POU2F1: variants seen among roughly 807,000 people sequenced by gnomAD.
POU2F1 encodes the protein POU class 2 homeobox 1, also known as POU domain, class 2, transcription factor 1.
Under a neutral mutation model 84.9 loss-of-function variants are expected in POU2F1, and 16 were observed. That is an observed-to-expected ratio of 0.19 (90% CI 0.13 to 0.29). The LOEUF (loss-of-function observed/expected upper bound fraction) is 0.29. POU2F1 is among the 10% of genes least tolerant of loss of function. POU2F1 has a pLI of 1.00. For missense variants in POU2F1, 738 were observed against 942.6 expected (o/e 0.78, Z 2.84); for synonymous variants, 368 against 368.3 (o/e 1.00, Z 0.01).
At chr1:167,411,293 C>A (rs1649949561) in intron 13 of POU2F1, among the ~76,000 whole-genome samples, 1 of 152,182 alleles carries the variant, frequency 6.6e-6, no homozygotes, top group Non-Finnish European at 1.5e-5. Context: ...CCACCTCAGC[C>A]TCCCAAAGTG....
chr1:167,323,447 A>T (rs145908766), intron 1 of POU2F1, among the ~76,000 whole-genome samples: 1 of 152,344 alleles, frequency 6.6e-6, no homozygotes, highest in East Asian at 1.9e-4. Flanking sequence ...AAAAGAGACC[A>T]GAAACATGTC....
chr1:167,297,969 A>G (rs1654404184), intron 1 of POU2F1, among the ~76,000 whole-genome samples: 1 of 151,980 alleles, frequency 6.6e-6, no homozygotes, highest in Non-Finnish European at 1.5e-5. Context: ...AAAAAAAAAA[A>G]TACAAAATTA....
intron 1 of POU2F1, 40 bp downstream of exon 1, chr1:167,220,998 A>T: frequency 6.7e-7 from 1 of 1,497,328 alleles, no homozygotes; most frequent in South Asian, 1.2e-5. Context: ...ATTCATACTC[A>T]ACCCCGGCTC....
chr1:167,316,774 A>G (rs1655931982), intron 1 of POU2F1, among the ~76,000 whole-genome samples: 2 of 152,226 alleles, frequency 1.3e-5, no homozygotes, highest in South Asian at 4.1e-4. Context: ...CAAAAAATGG[A>G]TGGGAATAAT....
chr1:167,375,089 C>G (rs1166875417), intron 6 of POU2F1, among the ~76,000 whole-genome samples: 1 of 151,364 alleles, frequency 6.6e-6, no homozygotes, highest in Non-Finnish European at 1.5e-5. Context: ...TAAATAAAAT[C>G]TTTAATCTCA....
At position 167,417,542 on chromosome 1, in the gene POU2F1, A is replaced by G. The variant is rs916313560; in HGVS notation, c.*1732A>G. 2 of 152,080 alleles carry G rather than the reference A, an allele frequency of 1.3e-5. No homozygotes were observed. Among genetic ancestry groups the G allele is most frequent in the African/African-American group, 4.8e-5 (2 of 41,408 alleles). The allele number at this position is 152,080 out of a possible 1,614,324, so 9.4% of individuals were successfully genotyped here. A position where few individuals can be genotyped will look rare whatever the true frequency, so the allele number is the denominator to read the frequency against. Reference sequence around the variant, plus strand: ...GTTGTTATGCCATCTGTACCAAAAAATTTTCCAAAAGACTGGATCACTGCA... The same window carrying G: ...GTTGTTATGCCATCTGTACCAAAAAGTTTTCCAAAAGACTGGATCACTGCA... On this transcript the variant is annotated 3_prime_UTR_variant, in exon 16 of 16. Coordinates refer to ENST00000367866, the MANE Select transcript of POU2F1 (RefSeq NM_002697.4).
chr1:167,294,805 C>T (rs949850985), intron 1 of POU2F1, among the ~76,000 whole-genome samples: 3 of 152,058 alleles, frequency 2.0e-5, no homozygotes, highest in Non-Finnish European at 4.4e-5. Context: ...TTAGTACAAG[C>T]TCTATGAAAA....
intron 1 of POU2F1, among the ~76,000 whole-genome samples, chr1:167,301,469 T>G (rs1211685164): frequency 6.6e-6 from 1 of 152,252 alleles, no homozygotes; most frequent in Non-Finnish European, 1.5e-5. Context: ...ATATTGAAAC[T>G]TTTAAAACCA....
At chr1:167,334,194 CTT>C (rs1657274308) in intron 2 of POU2F1, among the ~76,000 whole-genome samples, 1 of 58,908 alleles carries the variant, frequency 1.7e-5, no homozygotes, top group East Asian at 5.7e-4. Context: ...GAATTTTGCT[CTT>C]GTTTCCCAGG....
intron 1 of POU2F1, among the ~76,000 whole-genome samples, chr1:167,257,514 C>T (rs1651232610): frequency 6.6e-6 from 1 of 152,134 alleles, no homozygotes; most frequent in Non-Finnish European, 1.5e-5. Context: ...GCTGAACATA[C>T]ATAGTAGCTT....
chr1:167,273,860 A>G (rs1275630491), intron 1 of POU2F1, among the ~76,000 whole-genome samples: 1 of 152,260 alleles, frequency 6.6e-6, no homozygotes, highest in African/African-American at 2.4e-5. Context: ...TCAAAATGTA[A>G]GAGTGAAAGA....
intron 1 of POU2F1, among the ~76,000 whole-genome samples, chr1:167,247,439 T>C (rs769130009): frequency 3.9e-5 from 6 of 152,204 alleles, no homozygotes; most frequent in Non-Finnish European, 8.8e-5. Flanking sequence ...AAATGGCATA[T>C]ATTCTAATCT....
intron 1 of POU2F1, among the ~76,000 whole-genome samples, chr1:167,262,661 C>T (rs1651660016): frequency 6.6e-6 from 1 of 152,030 alleles, no homozygotes; most frequent in African/African-American, 2.4e-5. Flanking sequence ...TGTGGTGAGT[C>T]ACAAAGCCCC....
chr1:167,321,703 C>T (rs1278410338), intron 1 of POU2F1, among the ~76,000 whole-genome samples: 1 of 152,186 alleles, frequency 6.6e-6, no homozygotes, highest in Non-Finnish European at 1.5e-5. Context: ...GGAAGCTTAA[C>T]AATGGCCACC....
Position 167,423,041 on chromosome 1 carries a change from T to G in POU2F1, c.*7231T>G, listed in dbSNP as rs529020924. On this transcript the variant is annotated 3_prime_UTR_variant, in exon 16 of 16. Coordinates refer to ENST00000367866, the MANE Select transcript of POU2F1 (RefSeq NM_002697.4). ...GGAGGGCAAAAGATAGGGGTAGAAT[T>G]TTTTCATTATTTCCCTTTATCTAAT... is the stretch of plus-strand genomic sequence containing the variant. 1.5e-4 allele frequency: 23 copies of G among 152,244 alleles called. No homozygotes were observed. The highest frequency in any genetic ancestry group is 5.1e-4 in the African/African-American group (21 of 41,556). 9.4% of individuals were successfully genotyped at this position (152,244 alleles called of 1,614,324 possible).
Position 167,396,437 on chromosome 1 carries a change from T to TGA in POU2F1, c.1129+11_1129+12insAG. The TGA allele has an allele frequency of 6.2e-7, 1 of 1,609,498 alleles. No individual in the cohort carries two copies. Among genetic ancestry groups the TGA allele is most frequent in the Non-Finnish European group, 8.5e-7 (1 of 1,177,054 alleles). ...TGGCTAAATGATGCAGGTAAGTGAC[T>TGA]GTATAAGACATTTCTTTGTCATTCA... On this transcript the variant is annotated intron_variant, in intron 10 of 15. Coordinates refer to ENST00000367866, the MANE Select transcript of POU2F1 (RefSeq NM_002697.4).
chr1:167,365,906 C>T (rs1481568222), intron 3 of POU2F1, among the ~76,000 whole-genome samples: 1 of 152,168 alleles, frequency 6.6e-6, no homozygotes, highest in Non-Finnish European at 1.5e-5. Flanking sequence ...CTACCATTGC[C>T]TGAGACCTGC....
At position 167,417,953 on chromosome 1, in the gene POU2F1, T is replaced by A. The variant is rs1372664498; in HGVS notation, c.*2143T>A. 1 of 152,208 alleles carries A rather than the reference T, an allele frequency of 6.6e-6. No homozygotes were observed. The highest frequency in any genetic ancestry group is 1.5e-5 in the Non-Finnish European group (1 of 68,030). 9.4% of individuals were successfully genotyped at this position (152,208 alleles called of 1,614,324 possible). On this transcript the variant is annotated 3_prime_UTR_variant, in exon 16 of 16. Coordinates refer to ENST00000367866, the MANE Select transcript of POU2F1 (RefSeq NM_002697.4). Reference sequence around the variant, plus strand: ...ATTTAATTACCACCCCTAAATTTCCTCCTCTTACCCTTCACCTTCCCTAAA... The same window carrying A: ...ATTTAATTACCACCCCTAAATTTCCACCTCTTACCCTTCACCTTCCCTAAA...
At chr1:167,380,249 A>G (rs143469803) in intron 7 of POU2F1, 6 of 152,302 alleles carry the variant, frequency 3.9e-5, no homozygotes, top group African/African-American at 1.4e-4. Context: ...ATATTAGGAT[A>G]CTTTCAGTGT....
Sources: gnomAD v4.1 joint callset for allele counts (sites outside exome capture counted in the v4.1 genomes callset) on GRCh38, gnomAD v4.1.1 for gene constraint, MANE v1.5 for transcripts, NCBI Gene and HGNC (gene_info 2026-07-23, HGNC 2026-07-21) for gene names.